Variants in ESPL1 observed in about 807,000 individuals in gnomAD.
The protein encoded by ESPL1 is extra spindle pole bodies like 1, separase, also known as separin.
ESPL1 carries 50 observed loss-of-function variants against 217.2 expected under a neutral mutation model. The observed-to-expected ratio is 0.23, with a 90% confidence interval of 0.18 to 0.29. The LOEUF (loss-of-function observed/expected upper bound fraction) is 0.29. Ranked by LOEUF, ESPL1 falls within the 10% of genes least tolerant of loss-of-function variation. The pLI is 1.00. For missense variants in ESPL1, 1,834 were observed against 2,603.0 expected (o/e 0.70, Z 6.43); for synonymous variants, 994 against 1,081.3 (o/e 0.92, Z 1.58).
Position 53,288,722 on chromosome 12 carries a change from T to C in ESPL1, c.4708+23T>C, listed in dbSNP as rs148201030. The C allele has an allele frequency of 8.1e-6, 13 of 1,597,078 alleles. No homozygotes were observed. The Admixed American group carries it at 2.1e-4, about 26-fold the overall frequency. ...CTGGTGAATATGCGACCCCTGATGT[T>C]GGTCACTTGGAGAGGGCTGAGCCTC... On this transcript the variant is annotated intron_variant, in intron 20 of 30. Transcript: ENST00000257934.
chr12:53,276,783 G>A lies in ESPL1; in HGVS notation c.1864G>A (p.Ala622Thr). The A allele has an allele frequency of 6.2e-7, 1 of 1,613,878 alleles. No homozygotes were observed. The highest frequency in any genetic ancestry group is 8.5e-7 in the Non-Finnish European group (1 of 1,180,004). The change falls in exon 8 of 31, where the codon GCC (alanine) becomes ACC (threonine). Residue 622 changes from alanine (A) to threonine (T), a missense_variant. Transcript: ENST00000257934. Reference protein sequence around the residue: ...ELSPEETPAGAWARATHLVEL... With the variant: ...ELSPEETPAGTWARATHLVEL... ...GAGCCCCGAGGAGACACCAGCCGGG[G>A]CCTGGGCACGAGCCACCCACCTGGT...
intron 17 of ESPL1, among the ~76,000 whole-genome samples, chr12:53,285,024 AAAAG>A (rs1158192929): frequency 7.2e-6 from 1 of 137,956 alleles, no homozygotes; most frequent in Non-Finnish European, 1.7e-5. Context: ...AAAAAAAAAA[AAAAG>A]AAGAAAGAAA....
At position 53,293,323 on chromosome 12, in the gene ESPL1, G is replaced by A; in HGVS notation, c.6212G>A (p.Arg2071His). ...LWDVTDRDID[R>H]YTEALLQGWL... Reference sequence around the variant, plus strand: ...GATGTGACTGACCGCGACATTGACCGCTACACGGAAGCTCTGCTGCAAGGC... The same window carrying A: ...GATGTGACTGACCGCGACATTGACCACTACACGGAAGCTCTGCTGCAAGGC... Residue 2071 changes from arginine to histidine, a missense_variant, in exon 31 of 31, where the codon CGC becomes CAC. Transcript: ENST00000257934. This position sits in a 1 kb window ranked among gnomAD's most constrained non-coding sequence, Gnocchi z 4.2. 2.5e-6 allele frequency: 4 copies of A among 1,614,082 alleles called. No individual in the cohort carries two copies. The highest frequency in any genetic ancestry group is 2.5e-6 in the Non-Finnish European group (3 of 1,179,992).
rs141472982 is a variant in ESPL1, at chr12:53,292,325, C to T, written c.5844C>T (p.Thr1948=). ...GTCAAGGGGTGGATCCACGAAGTAC[C>T]TTCTATGTCCTGAACCCTCACAATA... ...VLSQGVDPRS[T]FYVLNPHNNL... is the part of the protein sequence containing the mutation. The change falls in exon 28 of 31, where the codon ACC becomes ACT. Residue 1948 remains threonine (T), a synonymous_variant. Transcript: ENST00000257934. This position sits in a 1 kb window ranked among gnomAD's most constrained non-coding sequence, Gnocchi z 4.5. 179 of 1,614,068 alleles carry T rather than the reference C, an allele frequency of 1.1e-4. No homozygotes were observed. The African/African-American group carries it at 1.9e-3, about 17-fold the overall frequency.
At chr12:53,277,366 G>A in intron 9 of ESPL1, 104 bp from the exon 10 acceptor site, 5 of 1,492,030 alleles carry the variant, frequency 3.4e-6, no homozygotes, top group Non-Finnish European at 4.5e-6. Context: ...GGCTGGTCTT[G>A]AACTCCTGGG....
At chr12:53,270,352 T>C (rs750885094) in intron 3 of ESPL1, 26 bp from the exon 4 acceptor site, 1 of 1,525,096 alleles carries the variant, frequency 6.6e-7, no homozygotes, top group East Asian at 2.2e-5. Flanking sequence ...CTACTCCTCA[T>C]ACCAACCTTC....
chr12:53,290,186 G>A lies in ESPL1; in HGVS notation c.5215G>A (p.Val1739Met). Reference sequence around the variant, plus strand: ...GGAAAAGGACAGTCCCCCAGTCAGTGTGCAGATTCCCACTGGCCAGAACAA... The same window carrying A: ...GGAAAAGGACAGTCCCCCAGTCAGTATGCAGATTCCCACTGGCCAGAACAA... Reference protein sequence around the residue: ...RLEKDSPPVSVQIPTGQNKLH... With the variant: ...RLEKDSPPVSMQIPTGQNKLH... The change falls in exon 23 of 31, where the codon GTG (valine) becomes ATG (methionine). Residue 1739 changes from valine (V) to methionine (M), a missense_variant. Transcript: ENST00000257934. The A allele has an allele frequency of 6.2e-7, 1 of 1,614,172 alleles. No individual in the cohort carries two copies. The highest frequency in any genetic ancestry group is 8.5e-7 in the Non-Finnish European group (1 of 1,180,028).
intron 25 of ESPL1, among the ~76,000 whole-genome samples, 172 bp downstream of exon 25, chr12:53,291,168 G>A (rs1944051562): frequency 6.6e-6 from 1 of 152,156 alleles, no homozygotes; most frequent in South Asian, 2.1e-4. Context: ...TGGGCATGGT[G>A]GCAGGCACCT....
Position 53,288,615 on chromosome 12 carries a change from A to G in ESPL1, c.4624A>G (p.Lys1542Glu), listed in dbSNP as rs1209736875. Residue 1542 changes from lysine (K) to glutamate (E), a missense_variant, in exon 20 of 31, where the codon AAG becomes GAG. Coordinates refer to ENST00000257934, the MANE Select transcript of ESPL1 (RefSeq NM_012291.5). Reference sequence around the variant, plus strand: ...GCTGAGGCTGGATTCCAGCAAGAAGAAGCTGCCCAGCCCATGCCCAGACAA... The same window carrying G: ...GCTGAGGCTGGATTCCAGCAAGAAGGAGCTGCCCAGCCCATGCCCAGACAA... ...ELLRLDSSKK[K>E]LPSPCPDKES... is the part of the protein sequence containing the mutation. 3 of 1,613,896 alleles carry G rather than the reference A, an allele frequency of 1.9e-6. No homozygotes were observed. The South Asian group carries it at 3.3e-5, about 18-fold the overall frequency.
At chr12:53,276,539 G>A in intron 7 of ESPL1, 81 bp from the exon 8 acceptor site, 3 of 1,425,860 alleles carry the variant, frequency 2.1e-6, no homozygotes, top group Non-Finnish European at 2.8e-6. Context: ...GCCAAGGCTG[G>A]GGCTCCTCAG....
In ESPL1 at chr12:53,292,583, C is replaced by G; in HGVS notation, c.5922C>G (p.Gly1974=). ...TGCCTTTTCCCTGCAGTGAAGCTGG[C>G]TGGAGAGGAGTGGTTGGGGAGGTGC... ...QFRANFSSEA[G]WRGVVGEVPR... Residue 1974 remains glycine (G), a synonymous_variant, in exon 29 of 31, where the codon GGC becomes GGG. Transcript: ENST00000257934. The surrounding 1 kb of genome is among the most constrained non-coding windows in gnomAD (Gnocchi z 4.5). 6.2e-7 allele frequency: 1 copy of G among 1,611,850 alleles called. No individual in the cohort carries two copies. The highest frequency in any genetic ancestry group is 8.5e-7 in the Non-Finnish European group (1 of 1,179,746).
At chr12:53,285,470 C>T (rs1943931663) in intron 17 of ESPL1, among the ~76,000 whole-genome samples, 1 of 151,936 alleles carries the variant, frequency 6.6e-6, no homozygotes, top group African/African-American at 2.4e-5. Flanking sequence ...AAAAATTTTA[C>T]CTCCAAGGCG....
intron 5 of ESPL1, 135 bp downstream of exon 5, chr12:53,270,933 T>C (rs940696938): frequency 1.1e-5 from 10 of 891,958 alleles, no homozygotes; most frequent in South Asian, 1.7e-5. Flanking sequence ...GAGAAATGTT[T>C]ATAAGTACCA....
At chr12:53,279,478 C>A (rs1943825404) in intron 11 of ESPL1, among the ~76,000 whole-genome samples, 2 of 152,148 alleles carry the variant, frequency 1.3e-5, no homozygotes, top group African/African-American at 2.4e-5. Flanking sequence ...AGGTTAAATG[C>A]ACTGATGCAT....
rs1943730996 is a variant in ESPL1 at position 53,274,528 on chromosome 12, T to G, written c.1507-289T>G. On this transcript the variant is annotated intron_variant, in intron 6 of 30. Coordinates refer to ENST00000257934, the MANE Select transcript of ESPL1 (RefSeq NM_012291.5). Reference sequence around the variant, plus strand: ...ACATCAGAGATGGCCCCACATTTCTTACTCAGGAGAAGGCAGTGCCATTTG... The same window carrying G: ...ACATCAGAGATGGCCCCACATTTCTGACTCAGGAGAAGGCAGTGCCATTTG... 1.1e-5 allele frequency: 3 copies of G among 280,776 alleles called. 1 individual carries two copies. The South Asian group carries it at 1.3e-4, about 12-fold the overall frequency. The allele number at this position is 280,776 out of a possible 1,614,324, so 17.4% of individuals were successfully genotyped here. A position where few individuals can be genotyped will look rare whatever the true frequency, so the allele number is the denominator to read the frequency against.
At position 53,288,190 on chromosome 12, in the gene ESPL1, T is replaced by C. The variant is rs762210741; in HGVS notation, c.4395T>C (p.His1465=). The change falls in exon 19 of 31, where the codon CAT becomes CAC. Residue 1465 remains histidine, a synonymous_variant. Transcript: ENST00000257934. Reference sequence around the variant, plus strand: ...GGGCCAAGAAGGTGGCATCAAGACATTGTGAGGAGCGGCGTCCCCAGAGGG... The same window carrying C: ...GGGCCAAGAAGGTGGCATCAAGACACTGTGAGGAGCGGCGTCCCCAGAGGG... The part of the protein sequence containing the change: ...SRRAKKVASR[H]CEERRPQRAS... The C allele has an allele frequency of 6.2e-7, 1 of 1,611,752 alleles. No individual in the cohort carries two copies. Among genetic ancestry groups the C allele is most frequent in the Non-Finnish European group, 8.5e-7 (1 of 1,179,290 alleles).
Position 53,274,909 on chromosome 12 carries a change from C to T in ESPL1, c.1599C>T (p.Ala533=). ...GCKMVILWLA[A]LQPCSPEHMA... ...AGATGGTGATTTTGTGGCTGGCAGC[C>T]CTGCAACCCTGTAGCCCTGAACACA... is the stretch of plus-strand genomic sequence containing the variant. The change falls in exon 7 of 31, where the codon GCC becomes GCT. Residue 533 remains alanine, a synonymous_variant. Coordinates refer to ENST00000257934, the MANE Select transcript of ESPL1 (RefSeq NM_012291.5). The T allele has an allele frequency of 6.2e-7, 1 of 1,612,134 alleles. No individual in the cohort carries two copies. Among genetic ancestry groups the T allele is most frequent in the Non-Finnish European group, 8.5e-7 (1 of 1,178,962 alleles).
At position 53,269,823 on chromosome 12, in the gene ESPL1, G is replaced by T; in HGVS notation, c.881G>T (p.Cys294Phe). 1 of 1,614,234 alleles carries T rather than the reference G, an allele frequency of 6.2e-7. No homozygotes were observed. Among genetic ancestry groups the T allele is most frequent in the Non-Finnish European group, 8.5e-7 (1 of 1,180,036 alleles). Residue 294 changes from cysteine (C) to phenylalanine (F), a missense_variant, in exon 3 of 31, where the codon TGT (cysteine) becomes TTT (phenylalanine). Cys to Phe is a radical substitution (Grantham distance 205). Coordinates refer to ENST00000257934, the MANE Select transcript of ESPL1 (RefSeq NM_012291.5). The surrounding 1 kb of genome is among the most constrained non-coding windows in gnomAD (Gnocchi z 6.7). Reference protein sequence around the residue: ...NTNLAPSLQLCQLGVKLLQVG... With the variant: ...NTNLAPSLQLFQLGVKLLQVG... Reference sequence around the variant, plus strand: ...AATCTAGCCCCTAGCCTTCAGCTATGTCAGCTGGGGGTTAAGCTGCTGCAG... The same window carrying T: ...AATCTAGCCCCTAGCCTTCAGCTATTTCAGCTGGGGGTTAAGCTGCTGCAG...
In ESPL1 at chr12:53,276,704, G is replaced by A; in HGVS notation, c.1785G>A (p.Val595=). The stretch of plus-strand genomic sequence containing the variant: ...AGGAGCTGCAGGCCTACAAGGCGGT[G>A]CGGGCCGACACTGGACAGGAACGCT... The part of the protein sequence containing the change: ...LREELQAYKA[V]RADTGQERFN... The change falls in exon 8 of 31, where the codon GTG becomes GTA. Residue 595 remains valine (V), a synonymous_variant. Transcript: ENST00000257934. 1.2e-6 allele frequency: 2 copies of A among 1,613,278 alleles called. No homozygotes were observed. The highest frequency in any genetic ancestry group is 1.7e-5 in the Admixed American group (1 of 60,020).
Sources: gnomAD v4.1 joint callset for allele counts (sites outside exome capture counted in the v4.1 genomes callset) on GRCh38, gnomAD v4.1.1 for gene constraint, Gnocchi (gnomAD v3.1) non-coding constraint, MANE v1.5 for transcripts, NCBI Gene and HGNC (gene_info 2026-07-23, HGNC 2026-07-21) for gene names.